OSBPL10: variants seen among roughly 807,000 people sequenced by gnomAD.
OSBPL10 encodes oxysterol-binding protein-related protein 10.
A neutral mutation model predicts 81.7 loss-of-function variants in OSBPL10; 49 were observed. The observed-to-expected ratio is 0.60, with a 90% CI of 0.48 to 0.76. The LOEUF (loss-of-function observed/expected upper bound fraction) is 0.76. OSBPL10 is among the 30% of genes least tolerant of loss of function. OSBPL10 has a pLI of 0.00. For synonymous variants in OSBPL10, 419 were observed against 383.6 expected, an observed-to-expected ratio of 1.09 and a Z score of -1.08; for missense variants, 923 against 987.8, an observed-to-expected ratio of 0.93 and a Z score of 0.88.
intron 3 of OSBPL10, among the ~76,000 whole-genome samples, chr3:31,874,335 TATG>T (rs1487451043): frequency 6.6e-6 from 1 of 152,128 alleles, no homozygotes; most frequent in Non-Finnish European, 1.5e-5. Context: ...CCTTTCTAAA[TATG>T]ATACAAAACC....
At chr3:32,030,444 G>A in intron 2 of OSBPL10, 1 of 680,872 alleles carries the variant, frequency 1.5e-6, no homozygotes, top group Non-Finnish European at 2.7e-6. Context: ...TTAAGGGCAA[G>A]ATTCTTGCCA....
At chr3:31,797,143 C>T (rs1236260188) in intron 4 of OSBPL10, among the ~76,000 whole-genome samples, 3 of 151,790 alleles carry the variant, frequency 2.0e-5, no homozygotes, top group East Asian at 1.9e-4. Context: ...TACAGGCATG[C>T]GCCACGACGC....
intron 6 of OSBPL10, among the ~76,000 whole-genome samples, chr3:31,726,914 G>T (rs746466275): frequency 2.2e-4 from 33 of 151,212 alleles, no homozygotes; most frequent in Non-Finnish European, 3.5e-4. Context: ...TGTGATCACA[G>T]CCCACTGCAG....
chr3:31,771,817 G>C (rs996436140), intron 4 of OSBPL10, among the ~76,000 whole-genome samples: 1 of 152,048 alleles, frequency 6.6e-6, no homozygotes, highest in African/African-American at 2.4e-5. Flanking sequence ...ATATTTTCCC[G>C]GCCTTCTCCC....
At chr3:31,726,599 C>A (rs1389206222) in intron 6 of OSBPL10, among the ~76,000 whole-genome samples, 1 of 152,136 alleles carries the variant, frequency 6.6e-6, no homozygotes, top group Non-Finnish European at 1.5e-5. Flanking sequence ...CAGGCGTGAG[C>A]CACCGCACCT....
At chr3:31,897,199 A>G (rs1696084353) in intron 1 of OSBPL10, among the ~76,000 whole-genome samples, 1 of 152,172 alleles carries the variant, frequency 6.6e-6, no homozygotes, top group African/African-American at 2.4e-5. Flanking sequence ...AGGCTACTGG[A>G]AATGCAAGTA....
chr3:31,882,951 C>A (rs1039172461), intron 1 of OSBPL10, among the ~76,000 whole-genome samples: 3 of 152,158 alleles, frequency 2.0e-5, no homozygotes, highest in African/African-American at 7.2e-5. Context: ...GGGGCAAAAA[C>A]CAAACTCCCT....
intron 4 of OSBPL10, among the ~76,000 whole-genome samples, chr3:31,829,607 A>G (rs550912321): frequency 6.6e-6 from 1 of 152,218 alleles, no homozygotes; most frequent in South Asian, 2.1e-4. Flanking sequence ...GAGTGTGTCT[A>G]TGAGGGGAAG....
chr3:31,920,119 C>T (rs1169871722), intron 1 of OSBPL10, among the ~76,000 whole-genome samples: 1 of 152,070 alleles, frequency 6.6e-6, no homozygotes, highest in Non-Finnish European at 1.5e-5. Context: ...ACTATAAAGA[C>T]ATTATAAAGA....
At chr3:31,824,501 G>A (rs533861153) in intron 4 of OSBPL10, among the ~76,000 whole-genome samples, 11 of 152,282 alleles carry the variant, frequency 7.2e-5, no homozygotes, top group African/African-American at 1.9e-4. Flanking sequence ...TCTGCTGACC[G>A]ATGGTTGCTA....
intron 11 of OSBPL10, chr3:31,662,994 A>G (rs1401068161): frequency 1.0e-6 from 1 of 985,168 alleles, no homozygotes; most frequent in East Asian, 1.1e-4. Context: ...CAACCTTGAA[A>G]TCTCCTTCAG....
intron 1 of OSBPL10, among the ~76,000 whole-genome samples, chr3:31,922,151 G>A (rs1336390566): frequency 1.3e-5 from 2 of 152,104 alleles, no homozygotes; most frequent in Non-Finnish European, 2.9e-5. Flanking sequence ...GAACAGAAAA[G>A]GAACATTGGA....
rs192594021 is a variant in OSBPL10 at position 31,815,705 on chromosome 3, C to T, written c.729+14335G>A. 2.6e-5 allele frequency among the ~76,000 whole-genome samples: 4 copies of T among 152,162 alleles called. No individual in the cohort carries two copies. In the East Asian group the frequency reaches 7.7e-4, roughly 29 times the overall value. On this transcript the variant is annotated intron_variant, in intron 4 of 11. Transcript: ENST00000396556. ...GTAGCTTGAAATACTAGAATGAGCC[C>T]CTGGCGGTGGCAGGAACCTAACACC...
intron 1 of OSBPL10, among the ~76,000 whole-genome samples, chr3:31,895,927 C>T (rs746912584): frequency 5.9e-5 from 9 of 152,100 alleles, no homozygotes; most frequent in Admixed American, 1.3e-4. Context: ...AATCTAATTC[C>T]CTGTTTCAGC....
intron 4 of OSBPL10, among the ~76,000 whole-genome samples, chr3:31,786,348 G>A (rs1223554881): frequency 1.3e-5 from 2 of 152,076 alleles, no homozygotes; most frequent in African/African-American, 2.4e-5. Flanking sequence ...TTTGAGTCAC[G>A]TTTTAAAAAG....
intron 3 of OSBPL10, 34 bp from the exon 4 acceptor site, chr3:31,830,265 C>G (rs1260984868): frequency 6.3e-7 from 1 of 1,582,984 alleles, no homozygotes; most frequent in Admixed American, 1.7e-5. Flanking sequence ...AACTCAACAA[C>G]TGACCTGCAG....
At chr3:31,722,978 T>G (rs769766031) in intron 6 of OSBPL10, among the ~76,000 whole-genome samples, 5 of 152,232 alleles carry the variant, frequency 3.3e-5, no homozygotes, top group Non-Finnish European at 7.3e-5. Context: ...TGGAGCAATC[T>G]AAAGAGCACT....
intron 2 of OSBPL10, among the ~76,000 whole-genome samples, chr3:32,032,693 T>A (rs1270479779): frequency 1.3e-5 from 2 of 152,210 alleles, no homozygotes; most frequent in African/African-American, 4.8e-5. Context: ...CAATTTTTAA[T>A]TCTATTGAAC....
intron 1 of OSBPL10, among the ~76,000 whole-genome samples, chr3:31,882,008 C>T (rs1695593630): frequency 6.6e-6 from 1 of 152,178 alleles, no homozygotes; most frequent in African/African-American, 2.4e-5. Context: ...GTAACTTCTC[C>T]ATATCACTTC....
Sources: allele counts gnomAD v4.1 joint callset (sites outside exome capture counted in the v4.1 genomes callset), GRCh38; gene constraint gnomAD v4.1.1; transcripts MANE v1.5; gene names NCBI Gene and HGNC (gene_info 2026-07-23, HGNC 2026-07-21).